Variants in DNMBP observed in about 807,000 individuals in gnomAD.
The protein encoded by DNMBP is dynamin binding protein, also known as dynamin-binding protein.
DNMBP carries 87 observed loss-of-function variants against 150.0 expected under a neutral mutation model. The ratio of observed to expected loss-of-function variants is 0.58; its 90% CI spans 0.49 to 0.69. DNMBP has a LOEUF of 0.69. DNMBP is among the 30% of genes least tolerant of loss of function. The pLI is 0.00. For synonymous variants in DNMBP, 711 were observed against 750.4 expected (o/e 0.95, Z 0.86); for missense variants, 1,774 against 1,949.0 (o/e 0.91, Z 1.69).
intron 4 of DNMBP, among the ~76,000 whole-genome samples, chr10:99,921,559 T>C (rs2040022634): frequency 6.6e-6 from 1 of 152,016 alleles, no homozygotes; most frequent in South Asian, 2.1e-4. Flanking sequence ...ATTTAATAAA[T>C]GGCAGCAATT....
chr10:99,892,186 C>T (rs2039581005), intron 11 of DNMBP, among the ~76,000 whole-genome samples: 1 of 145,266 alleles, frequency 6.9e-6, no homozygotes, highest in East Asian at 2.0e-4. Context: ...GGTCAGCCCC[C>T]TGCCCGGCCA....
chr10:99,885,680 T>TA lies in DNMBP; in HGVS notation c.3798+6dup. On this transcript the variant is annotated splice_region_variant and intron_variant, in intron 14 of 16. Coordinates refer to ENST00000324109, the MANE Select transcript of DNMBP (RefSeq NM_015221.4). ...GGCGGGGCTGCTGCTCTCAGTTCCC[T>TA]ACTCACCAGGCCCAGGAGTGGCTTT... 1 of 1,557,422 alleles carries TA rather than the reference T, an allele frequency of 6.4e-7. No individual in the cohort carries two copies. The highest frequency in any genetic ancestry group is 8.7e-7 in the Non-Finnish European group (1 of 1,149,598).
At chr10:100,004,244 C>T (rs1288363572) in intron 1 of DNMBP, among the ~76,000 whole-genome samples, 1 of 149,802 alleles carries the variant, frequency 6.7e-6, no homozygotes, top group South Asian at 2.1e-4. Context: ...CACAAGGTCT[C>T]AAAAGAAAAA....
At position 99,969,425 on chromosome 10, in the gene DNMBP, C is replaced by T. The variant is rs76104036; in HGVS notation, c.146-188G>A. 9.2e-3 allele frequency among the ~76,000 whole-genome samples: 1,399 copies of T among 152,258 alleles called. 21 individuals carry two copies. The highest frequency in any genetic ancestry group is 0.032 in the African/African-American group (1,335 of 41,552). On this transcript the variant is annotated intron_variant, in intron 2 of 16. Transcript: ENST00000324109. ...CAAAACTAGATGCATGCAGGACAGA[C>T]AGAATGCAATTCAATTTGGTACGCA...
intron 8 of DNMBP, 88 bp from the exon 9 acceptor site, chr10:99,898,373 A>C (rs1304538020): frequency 6.3e-6 from 7 of 1,106,074 alleles, no homozygotes; most frequent in Non-Finnish European, 6.8e-6. Context: ...CTTAAAAAAA[A>C]CTTTTTTTTA....
At chr10:99,921,769 G>A (rs1589419364) in intron 4 of DNMBP, among the ~76,000 whole-genome samples, 1 of 145,406 alleles carries the variant, frequency 6.9e-6, no homozygotes, top group East Asian at 2.0e-4. Context: ...GGTGGCTGAA[G>A]CATGAGAATC....
intron 1 of DNMBP, among the ~76,000 whole-genome samples, chr10:99,985,558 C>T (rs1314825167): frequency 3.3e-5 from 5 of 152,098 alleles, no homozygotes; most frequent in Admixed American, 1.3e-4. Flanking sequence ...AAAGAATATG[C>T]TTCCACGAGC....
At chr10:99,902,087 G>A (rs1043782431) in intron 6 of DNMBP, among the ~76,000 whole-genome samples, 2 of 151,686 alleles carry the variant, frequency 1.3e-5, no homozygotes, top group African/African-American at 4.8e-5. Context: ...ACGGGGTTTC[G>A]GCACGTTGGT....
rs749048632 is a variant in DNMBP, at chr10:99,956,387, G to A, written c.1087C>T (p.His363Tyr). The change falls in exon 4 of 17, where the codon CAT becomes TAT. Residue 363 changes from histidine to tyrosine, a missense_variant. Transcript: ENST00000324109. ...TCTGTGTCATACTCTGAAGTCAGATGACCGAGGGGAGAAGTGGGTGCTTCA... is the reference window on the plus strand; with the variant it reads ...TCTGTGTCATACTCTGAAGTCAGATAACCGAGGGGAGAAGTGGGTGCTTCA... Reference protein sequence around the residue: ...ISEAPTSPLGHLTSEYDTDRN... With the variant: ...ISEAPTSPLGYLTSEYDTDRN... 3.7e-6 allele frequency: 6 copies of A among 1,614,062 alleles called. No individual in the cohort carries two copies. The highest frequency in any genetic ancestry group is 5.1e-6 in the Non-Finnish European group (6 of 1,180,026).
chr10:99,931,408 C>G (rs2040156635), intron 4 of DNMBP, among the ~76,000 whole-genome samples: 1 of 152,172 alleles, frequency 6.6e-6, no homozygotes, highest in African/African-American at 2.4e-5. Flanking sequence ...CAATCGCAAG[C>G]TGCTGAAGCT....
chr10:99,877,071 G>C lies in DNMBP; in HGVS notation c.*80C>G. 1 of 1,332,752 alleles carries C rather than the reference G, an allele frequency of 7.5e-7. No homozygotes were observed. The highest frequency in any genetic ancestry group is 1.0e-6 in the Non-Finnish European group (1 of 964,932). The allele number at this position is 1,332,752 out of a possible 1,614,324, so 82.6% of individuals were successfully genotyped here. A position where few individuals can be genotyped will look rare whatever the true frequency, so the allele number is the denominator to read the frequency against. Reference sequence around the variant, plus strand: ...AGACAGGGCCTGTGTCTCAGGAGCAGGCGCCCTCTCGGTGGGCCGCCAGAA... The same window carrying C: ...AGACAGGGCCTGTGTCTCAGGAGCACGCGCCCTCTCGGTGGGCCGCCAGAA... On this transcript the variant is annotated 3_prime_UTR_variant, in exon 17 of 17. Coordinates refer to ENST00000324109, the MANE Select transcript of DNMBP (RefSeq NM_015221.4).
rs147404196 is a variant in DNMBP, at chr10:99,888,249, T to C, written c.3285+576A>G. ...GTTTTGAGGCAGAGTCTTGCTCTGT[T>C]GCCCAGGCTGGAGTACAGTGGTGCT... On this transcript the variant is annotated intron_variant, in intron 12 of 16. Transcript: ENST00000324109. Among the ~76,000 whole-genome samples the C allele has an allele frequency of 8.3e-3, 1,222 of 147,960 alleles. 19 individuals carry two copies. The highest frequency in any genetic ancestry group is 0.028 in the African/African-American group (1,138 of 40,628).
intron 15 of DNMBP, 28 bp downstream of exon 15, chr10:99,883,983 A>T (rs963193047): frequency 3.8e-6 from 6 of 1,594,192 alleles, no homozygotes; most frequent in Middle Eastern, 1.7e-4. Context: ...TTTTCCAGTT[A>T]CAGTCCTCTG....
chr10:99,880,153 C>G lies in DNMBP; in HGVS notation c.4206G>C (p.Gln1402His). 1 of 1,614,138 alleles carries G rather than the reference C, an allele frequency of 6.2e-7. No homozygotes were observed. Residue 1402 changes from glutamine to histidine, a missense_variant, in exon 16 of 17, where the codon CAG becomes CAC. Coordinates refer to ENST00000324109, the MANE Select transcript of DNMBP (RefSeq NM_015221.4). ...TTGGCGGAGGAGATGCATCTTGAGG[C>G]TGCTTCTGGCAAGACCCCGAGGTAA... ...VSFTSGSCQKQPQDASPPPKE... is the reference protein window; with the variant it reads ...VSFTSGSCQKHPQDASPPPKE...
chr10:99,914,825 G>A (rs1051265123), intron 4 of DNMBP, among the ~76,000 whole-genome samples: 4 of 151,812 alleles, frequency 2.6e-5, no homozygotes, highest in African/African-American at 7.3e-5. Context: ...AGTGGCTCAC[G>A]TGAGGCCTGT....
chr10:99,940,189 G>A (rs1208562897), intron 4 of DNMBP, among the ~76,000 whole-genome samples: 2 of 152,176 alleles, frequency 1.3e-5, no homozygotes, highest in Admixed American at 6.5e-5. Context: ...ATGAATCAAT[G>A]CATGTAGCAT....
At chr10:99,913,824 G>A in intron 4 of DNMBP, 1 of 1,014,936 alleles carries the variant, frequency 9.9e-7, no homozygotes, top group Non-Finnish European at 1.3e-6. Flanking sequence ...CCTTGCCTCA[G>A]AAAGCTGGAT....
At chr10:99,995,661 A>T (rs1034759901) in intron 1 of DNMBP, among the ~76,000 whole-genome samples, 3 of 152,238 alleles carry the variant, frequency 2.0e-5, no homozygotes, top group Non-Finnish European at 4.4e-5. Context: ...GAGTGGTTGC[A>T]GATATGTGAC....
Position 100,000,512 on chromosome 10 carries a change from G to A in DNMBP, c.-11+9326C>T, listed in dbSNP as rs116820614. On this transcript the variant is annotated intron_variant, in intron 1 of 16. Coordinates refer to ENST00000324109, the MANE Select transcript of DNMBP (RefSeq NM_015221.4). ...CAGGAGGGGCTAGAACAGATGCAGA[G>A]AGCTAATTTCTCTGTGTCTGGGTGG... Among the ~76,000 whole-genome samples, 1,022 of 152,268 alleles carry A rather than the reference G, an allele frequency of 6.7e-3. 10 individuals carry two copies. The highest frequency in any genetic ancestry group is 0.024 in the African/African-American group (981 of 41,540).
Sources: allele counts gnomAD v4.1 joint callset (sites outside exome capture counted in the v4.1 genomes callset), GRCh38; gene constraint gnomAD v4.1.1; transcripts MANE v1.5; gene names NCBI Gene and HGNC (gene_info 2026-07-23, HGNC 2026-07-21).